Variants in ANO2 observed in about 807,000 individuals in gnomAD.
The protein encoded by ANO2 is anoctamin 2.
ANO2 carries 101 observed loss-of-function variants against 124.2 expected under a neutral mutation model. That is an observed-to-expected ratio of 0.81 (90% confidence interval 0.69 to 0.96). The LOEUF is 0.96. Among genes scored for constraint, ANO2 ranks in the 40% least tolerant of loss-of-function variants. The probability of loss-of-function intolerance (pLI) is 0.00; values close to 1 mark genes in which losing one functional copy is unlikely to be tolerated. For synonymous variants in ANO2, 486 were observed against 482.5 expected, an observed-to-expected ratio of 1.01 and a Z score of -0.09; for missense variants, 1,293 against 1,274.5, an observed-to-expected ratio of 1.01 and a Z score of -0.22.
At chr12:5,675,107 A>AGATG (rs1473211292) in intron 14 of ANO2, among the ~76,000 whole-genome samples, 5 of 152,318 alleles carry the variant, frequency 3.3e-5, no homozygotes, top group Admixed American at 1.3e-4. Context: ...ATGAATGAAT[A>AGATG]GATGGATGGA....
At chr12:5,917,362 GA>G (rs56350037) in intron 3 of ANO2, among the ~76,000 whole-genome samples, 139,964 of 151,276 alleles carry the variant, frequency 0.93, 65,762 homozygotes, top group East Asian at 1. Context: ...TACATGCTAA[GA>G]AAAAAAAAAG....
Position 5,745,343 on chromosome 12 carries a change from T to C in ANO2, c.1191-1026A>G, listed in dbSNP as rs542571828. On this transcript the variant is annotated intron_variant, in intron 11 of 24. Transcript: ENST00000682330. ...GGGAAAGGGTGGAGAACTTAAGATT[T>C]CACGAAAGCAAAGCACTGGCTGTTC... Among the ~76,000 whole-genome samples, 3 of 152,236 alleles carry C rather than the reference T, an allele frequency of 2.0e-5. No homozygotes were observed. The South Asian group carries it at 6.2e-4, about 32-fold the overall frequency.
Position 5,635,148 on chromosome 12 carries a change from G to A in ANO2, c.1816+4C>T, listed in dbSNP as rs1167837287. 1.3e-6 allele frequency: 2 copies of A among 1,571,834 alleles called. No individual in the cohort carries two copies. The highest frequency in any genetic ancestry group is 1.7e-6 in the Non-Finnish European group (2 of 1,163,060). ...GACAGCCAGAAGTCTCGGTGACACA[G>A]TACCAATTTTGGTGAGCCACTTGGC... On this transcript the variant is annotated splice_donor_region_variant and intron_variant, in intron 16 of 24. Transcript: ENST00000682330. This position sits in a 1 kb window ranked among gnomAD's most constrained non-coding sequence, Gnocchi z 5.2.
rs566699502 is a variant in ANO2 at position 5,599,344 on chromosome 12, A to T, written c.2233+140T>A. 292 of 1,039,974 alleles carry T rather than the reference A, an allele frequency of 2.8e-4. 4 individuals carry two copies. In the South Asian group the frequency reaches 5.1e-3, roughly 18 times the overall value. The allele number at this position is 1,039,974 out of a possible 1,614,324, so 64.4% of individuals were successfully genotyped here. A position where few individuals can be genotyped will look rare whatever the true frequency, so the allele number is the denominator to read the frequency against. ...TCAACTTTCATGTGGCACTGAAGGG[A>T]ACACTGAATAGCCATGAAGCTCATG... On this transcript the variant is annotated intron_variant, in intron 20 of 24. Coordinates refer to ENST00000682330, the MANE Select transcript of ANO2 (RefSeq NM_001364791.2).
In ANO2 at chr12:5,816,132, C is replaced by A; in HGVS notation, c.893-8764G>T. 1.3e-5 allele frequency among the ~76,000 whole-genome samples: 2 copies of A among 148,410 alleles called. 1 individual carries two copies. On this transcript the variant is annotated intron_variant, in intron 7 of 24. Transcript: ENST00000682330. ...CTACGATTCCAAATCCAGTCCTGTT[C>A]TCCCTTTCTCTCTCTCTCTTTTTTT...
At chr12:5,601,275 T>C (rs1943925135) in intron 19 of ANO2, among the ~76,000 whole-genome samples, 1 of 152,184 alleles carries the variant, frequency 6.6e-6, no homozygotes, top group African/African-American at 2.4e-5. Context: ...CTGATAGACA[T>C]TTATCAAGAT....
At chr12:5,665,747 C>T (rs1947676939) in intron 14 of ANO2, among the ~76,000 whole-genome samples, 2 of 143,960 alleles carry the variant, frequency 1.4e-5, no homozygotes, top group South Asian at 4.8e-4. Context: ...GTCAACACAT[C>T]ATCTCTTTGC....
intron 4 of ANO2, among the ~76,000 whole-genome samples, chr12:5,838,293 T>C (rs899823193): frequency 1.3e-5 from 2 of 152,178 alleles, no homozygotes; most frequent in Non-Finnish European, 1.5e-5. Context: ...AGGAATATTG[T>C]TGGCTGCCTT....
intron 13 of ANO2, among the ~76,000 whole-genome samples, chr12:5,738,164 T>C (rs1406831350): frequency 6.6e-6 from 1 of 152,224 alleles, no homozygotes; most frequent in East Asian, 1.9e-4. Context: ...CTGCCATTCT[T>C]CAGCCCACCT....
intron 12 of ANO2, among the ~76,000 whole-genome samples, chr12:5,743,935 T>C (rs937355470): frequency 2.6e-5 from 4 of 152,224 alleles, no homozygotes; most frequent in Non-Finnish European, 4.4e-5. Context: ...ATGGTTAGCA[T>C]GACTACATCT....
At chr12:5,591,326 G>A (rs1943384943) in intron 20 of ANO2, among the ~76,000 whole-genome samples, 1 of 152,176 alleles carries the variant, frequency 6.6e-6, no homozygotes, top group Admixed American at 6.5e-5. Context: ...ATTTTAGGGG[G>A]ATAGTAAGTG....
chr12:5,653,576 G>T (rs1024201692), intron 14 of ANO2, among the ~76,000 whole-genome samples: 2 of 152,162 alleles, frequency 1.3e-5, no homozygotes, highest in Admixed American at 6.5e-5. Flanking sequence ...TATAAGTTCT[G>T]TATAATTGTG....
At chr12:5,663,103 G>A (rs251781) in intron 14 of ANO2, among the ~76,000 whole-genome samples, 1 of 152,058 alleles carries the variant, frequency 6.6e-6, no homozygotes, top group African/African-American at 2.4e-5. Flanking sequence ...TGCAGGCGAG[G>A]AGAGACCATG....
intron 24 of ANO2, among the ~76,000 whole-genome samples, chr12:5,563,982 T>C (rs1237141676): frequency 6.6e-6 from 1 of 152,202 alleles, no homozygotes; most frequent in Non-Finnish European, 1.5e-5. Context: ...TTCTAGCAAG[T>C]GGTCACAAAG....
chr12:5,889,123 G>C (rs1939196163), intron 3 of ANO2, among the ~76,000 whole-genome samples: 2 of 152,222 alleles, frequency 1.3e-5, no homozygotes, highest in African/African-American at 4.8e-5. Flanking sequence ...ACGGCCGGCG[G>C]GCCGGCTGGT....
intron 7 of ANO2, among the ~76,000 whole-genome samples, chr12:5,826,037 T>G (rs1226178919): frequency 6.6e-6 from 1 of 152,230 alleles, no homozygotes; most frequent in African/African-American, 2.4e-5. Context: ...AAAAACATGT[T>G]TGTGCATGTA....
rs375550747 is a variant in ANO2, at chr12:5,828,325, G to A, written c.841-505C>T. Reference sequence around the variant, plus strand: ...AGCCAGTGTGGTAGCAGAAAGCTCCGAACGTGGAGGTAGGTGCAGAGGGTC... The same window carrying A: ...AGCCAGTGTGGTAGCAGAAAGCTCCAAACGTGGAGGTAGGTGCAGAGGGTC... On this transcript the variant is annotated intron_variant, in intron 6 of 24. Transcript: ENST00000682330. Among the ~76,000 whole-genome samples the A allele has an allele frequency of 3.3e-3, 501 of 152,256 alleles. 5 individuals carry two copies. The highest frequency in any genetic ancestry group is 0.011 in the African/African-American group (462 of 41,564).
At chr12:5,732,467 A>C (rs1466867173) in intron 14 of ANO2, 53 bp downstream of exon 14, 2 of 1,505,190 alleles carry the variant, frequency 1.3e-6, no homozygotes, top group African/African-American at 2.8e-5. Context: ...ACAAAATGAC[A>C]ACAGGATCTC....
At chr12:5,665,431 T>C (rs3782609) in intron 14 of ANO2, among the ~76,000 whole-genome samples, 26,327 of 152,228 alleles carry the variant, frequency 0.17, 2,607 homozygotes, top group South Asian at 0.31. Flanking sequence ...AGCTTCTGCC[T>C]CAGGGAGGAA....
Sources: gnomAD v4.1 joint callset for allele counts (sites outside exome capture counted in the v4.1 genomes callset) on GRCh38, gnomAD v4.1.1 for gene constraint, Gnocchi (gnomAD v3.1) non-coding constraint, MANE v1.5 for transcripts, NCBI Gene and HGNC (gene_info 2026-07-23, HGNC 2026-07-21) for gene names.